Variants in NREP observed in about 807,000 individuals in gnomAD.
NREP encodes neuronal regeneration related protein.
In NREP, 5 loss-of-function variants were observed where a neutral mutation model predicts 8.6. That is an observed-to-expected ratio of 0.58 (90% CI 0.30 to 1.22). The LOEUF (loss-of-function observed/expected upper bound fraction) is 1.22, where lower values mean the gene tolerates loss of function less well. Among genes scored for constraint, NREP ranks in the 50% most tolerant of loss-of-function variants. The pLI, the probability that NREP is intolerant of heterozygous loss-of-function variation, is 0.07. For synonymous variants in NREP, 27 were observed against 28.0 expected (o/e 0.96, Z 0.11); for missense variants, 86 against 82.5 (o/e 1.04, Z -0.17).
At chr5:111,871,889 T>A (rs1418124536) in intron 2 of NREP, among the ~76,000 whole-genome samples, 1 of 149,132 alleles carries the variant, frequency 6.7e-6, no homozygotes, top group Non-Finnish European at 1.5e-5. Flanking sequence ...AATCTCGTTC[T>A]ATATAGCATA....
At chr5:111,888,304 G>A (rs963608649) in intron 2 of NREP, among the ~76,000 whole-genome samples, 6 of 152,020 alleles carry the variant, frequency 3.9e-5, no homozygotes, top group Non-Finnish European at 7.4e-5. Flanking sequence ...GTAAAGGAAA[G>A]AGGTTTAATT....
At chr5:111,883,800 A>C (rs973437410) in intron 2 of NREP, among the ~76,000 whole-genome samples, 28 of 152,208 alleles carry the variant, frequency 1.8e-4, no homozygotes, top group African/African-American at 6.8e-4. Context: ...AACATACCAG[A>C]ATCTCTGGGA....
chr5:111,928,380 CAAAT>C (rs933455978), intron 2 of NREP, among the ~76,000 whole-genome samples: 2 of 151,818 alleles, frequency 1.3e-5, no homozygotes, highest in African/African-American at 4.8e-5. Context: ...AGGAAAATGA[CAAAT>C]AAGGTTCTCA....
At chr5:111,975,638 A>G (rs1413380339) in intron 1 of NREP, among the ~76,000 whole-genome samples, 1 of 152,230 alleles carries the variant, frequency 6.6e-6, no homozygotes. Context: ...GAAAATGGTT[A>G]TACTAAAAAT....
Position 111,856,967 on chromosome 5 carries a change from T to G in NREP, c.135+118307A>C, listed in dbSNP as rs564521542. On this transcript the variant is annotated intron_variant, in intron 2 of 3. Coordinates refer to the NREP transcript ENST00000395634. The stretch of plus-strand genomic sequence containing the variant: ...GATGCCAGCCCCAGTATGTCTTGAT[T>G]TTAAGTTGCTTTTGTTTCTGTATGT... Among the ~76,000 whole-genome samples the G allele has an allele frequency of 1.3e-3, 192 of 152,264 alleles. 2 individuals are homozygous for G. Among genetic ancestry groups the G allele is most frequent in the African/African-American group, 4.5e-3 (186 of 41,550 alleles).
At chr5:111,824,184 C>G (rs1752570624) in intron 2 of NREP, among the ~76,000 whole-genome samples, 1 of 152,118 alleles carries the variant, frequency 6.6e-6, no homozygotes, top group South Asian at 2.1e-4. Flanking sequence ...TCCTGGCTAA[C>G]ACGGTGAAAC....
chr5:111,864,105 T>C (rs1345017733), intron 2 of NREP, among the ~76,000 whole-genome samples: 1 of 152,162 alleles, frequency 6.6e-6, no homozygotes, highest in Non-Finnish European at 1.5e-5. Context: ...GAGAAGATCA[T>C]GGCATCTCTA....
intron 3 of NREP, chr5:111,732,891 G>C (rs1408087562): frequency 6.6e-6 from 1 of 152,120 alleles, no homozygotes; most frequent in African/African-American, 2.4e-5. Flanking sequence ...TCTTTACACA[G>C]CTTGCCTTAA....
chr5:111,789,929 C>T (rs168870), intron 2 of NREP, among the ~76,000 whole-genome samples: 40,621 of 151,758 alleles, frequency 0.27, 6,194 homozygotes, highest in Non-Finnish European at 0.34. Context: ...GTAGATTTGA[C>T]ATGAATAAAA....
chr5:111,760,771 C>T (rs1343175198), upstream of NREP, among the ~76,000 whole-genome samples: 1 of 152,090 alleles, frequency 6.6e-6, no homozygotes, highest in South Asian at 2.1e-4. Context: ...AAATAAAAAC[C>T]CTGGGTCAGA....
At chr5:111,878,013 G>A (rs1047336248) in intron 2 of NREP, among the ~76,000 whole-genome samples, 2 of 152,158 alleles carry the variant, frequency 1.3e-5, no homozygotes, top group Admixed American at 6.5e-5. Context: ...CAGTTTAAAC[G>A]GTGGGTAACT....
At chr5:111,839,284 G>C (rs1187311293) in intron 2 of NREP, among the ~76,000 whole-genome samples, 1 of 152,086 alleles carries the variant, frequency 6.6e-6, no homozygotes, top group Non-Finnish European at 1.5e-5. Context: ...CTAGCTGGGG[G>C]AACACAAGGC....
At chr5:111,912,014 A>T (rs147466488) in intron 2 of NREP, among the ~76,000 whole-genome samples, 2 of 152,110 alleles carry the variant, frequency 1.3e-5, no homozygotes, top group African/African-American at 2.4e-5. Flanking sequence ...GCCAAAGACA[A>T]AATATAAATT....
chr5:111,973,980 C>T (rs984020509), intron 2 of NREP, among the ~76,000 whole-genome samples: 4 of 152,200 alleles, frequency 2.6e-5, no homozygotes, highest in African/African-American at 9.7e-5. Context: ...CACATACACA[C>T]TCTATTTCAG....
chr5:111,775,122 C>T (rs1038312291), intron 2 of NREP, among the ~76,000 whole-genome samples: 3 of 152,160 alleles, frequency 2.0e-5, no homozygotes, highest in African/African-American at 4.8e-5. Flanking sequence ...AACTCCTGGG[C>T]TCAAGCAGTC....
At chr5:111,735,340 T>C in intron 3 of NREP, 90 bp downstream of exon 3, 1 of 816,380 alleles carries the variant, frequency 1.2e-6, no homozygotes, top group African/African-American at 1.7e-5. Context: ...CAGCCTATAA[T>C]GGGTATTCAA....
chr5:111,889,064 T>C (rs2112530347), intron 2 of NREP, among the ~76,000 whole-genome samples: 1 of 152,336 alleles, frequency 6.6e-6, no homozygotes, highest in East Asian at 1.9e-4. Context: ...TACACAGATG[T>C]TCATTGTATT....
intron 2 of NREP, among the ~76,000 whole-genome samples, chr5:111,754,159 A>G (rs751632887): frequency 2.0e-5 from 3 of 152,172 alleles, no homozygotes; most frequent in Non-Finnish European, 4.4e-5. Flanking sequence ...GCCACCATAC[A>G]TAAACGACAA....
intron 2 of NREP, among the ~76,000 whole-genome samples, chr5:111,888,339 T>TGGGGG (rs1554105346): frequency 1.4e-5 from 2 of 144,722 alleles, no homozygotes; most frequent in Admixed American, 1.3e-4. Context: ...CATTGCTGGG[T>TGGGGG]GGCGGGGGGG....
Sources: gnomAD v4.1 joint callset for allele counts (sites outside exome capture counted in the v4.1 genomes callset) on GRCh38, gnomAD v4.1.1 for gene constraint, MANE v1.5 for transcripts, NCBI Gene and HGNC (gene_info 2026-07-23, HGNC 2026-07-21) for gene names.